RYR2: variants seen among roughly 807,000 people sequenced by gnomAD.
RYR2 encodes cardiac muscle ryanodine receptor-calcium release channel.
RYR2 carries 227 observed loss-of-function variants against 601.1 expected under a neutral mutation model. The observed-to-expected ratio is 0.38, with a 90% CI of 0.34 to 0.42. The LOEUF is 0.42. Ranked by LOEUF, RYR2 falls within the 10% of genes least tolerant of loss-of-function variation. The probability of loss-of-function intolerance (pLI) is 1.00; values close to 1 mark genes in which losing one functional copy is unlikely to be tolerated. For missense variants in RYR2, 4,646 were observed against 6,156.5 expected, an observed-to-expected ratio of 0.75 and a Z score of 8.21; for synonymous variants, 2,223 against 2,175.1, an observed-to-expected ratio of 1.02 and a Z score of -0.61.
At chr1:237,310,082 C>A (rs1030745627) in intron 2 of RYR2, among the ~76,000 whole-genome samples, 1 of 152,178 alleles carries the variant, frequency 6.6e-6, no homozygotes, top group African/African-American at 2.4e-5. Context: ...CAGGCTGAAA[C>A]GCTCCTAAAG....
intron 12 of RYR2, among the ~76,000 whole-genome samples, chr1:237,431,001 CT>C (rs1706753035): frequency 1.3e-5 from 2 of 152,156 alleles, no homozygotes; most frequent in African/African-American, 4.8e-5. Flanking sequence ...CCCAACTCAA[CT>C]CTTCTTTAAC....
Position 237,819,267 on chromosome 1 carries a change from T to C in RYR2, c.14590+75T>C. ...ATGTTGCTGAAGTTAATATTCAAGGTAGGGTAATGACGTCAAGTGTTTCCT... is the reference window on the plus strand; with the variant it reads ...ATGTTGCTGAAGTTAATATTCAAGGCAGGGTAATGACGTCAAGTGTTTCCT... On this transcript the variant is annotated intron_variant, in intron 101 of 104. Transcript: ENST00000366574. This position sits in a 1 kb window ranked among gnomAD's most constrained non-coding sequence, Gnocchi z 4.0. The C allele has an allele frequency of 7.1e-7, 1 of 1,404,830 alleles. No homozygotes were observed. The highest frequency in any genetic ancestry group is 9.9e-7 in the Non-Finnish European group (1 of 1,005,314). The allele number at this position is 1,404,830 out of a possible 1,614,324, so 87.0% of individuals were successfully genotyped here.
intron 14 of RYR2, among the ~76,000 whole-genome samples, chr1:237,448,466 G>C (rs1365047201): frequency 6.6e-6 from 1 of 152,112 alleles, no homozygotes; most frequent in Non-Finnish European, 1.5e-5. Flanking sequence ...AAAAGAATGT[G>C]CATTCTCCTC....
chr1:237,130,700 TAA>T (rs5781935), intron 1 of RYR2, among the ~76,000 whole-genome samples: 16 of 147,870 alleles, frequency 1.1e-4, no homozygotes, highest in South Asian at 8.5e-4. Flanking sequence ...TGTCTCAAAA[TAA>T]AAAAAAAAAA....
At chr1:237,527,540 T>C (rs1265105135) in intron 24 of RYR2, among the ~76,000 whole-genome samples, 1 of 152,184 alleles carries the variant, frequency 6.6e-6, no homozygotes, top group Non-Finnish European at 1.5e-5. Context: ...CAGTCAACCC[T>C]TCTCTGCCCC....
At chr1:237,593,727 G>C (rs1478915) in intron 33 of RYR2, 91 bp downstream of exon 33, 1 of 1,304,958 alleles carries the variant, frequency 7.7e-7, no homozygotes. Flanking sequence ...TGTGACCAAG[G>C]TATTTCTATT....
chr1:237,308,606 T>C (rs569368654), intron 2 of RYR2, among the ~76,000 whole-genome samples: 69 of 152,302 alleles, frequency 4.5e-4, no homozygotes, highest in Non-Finnish European at 8.7e-4. Flanking sequence ...GATGCTCAGA[T>C]GTGTTCGGAG....
intron 6 of RYR2, among the ~76,000 whole-genome samples, chr1:237,373,950 A>T (rs1198964351): frequency 6.6e-6 from 1 of 152,226 alleles, no homozygotes; most frequent in Non-Finnish European, 1.5e-5. Flanking sequence ...TTTGCAGATG[A>T]TCATGAATAT....
intron 6 of RYR2, among the ~76,000 whole-genome samples, chr1:237,371,094 T>A (rs985023547): frequency 1.7e-4 from 26 of 151,802 alleles, no homozygotes; most frequent in Admixed American, 9.2e-4. Flanking sequence ...AAAGTTTTAA[T>A]CTCTTCTGTC....
intron 1 of RYR2, among the ~76,000 whole-genome samples, chr1:237,242,201 TGTTTG>T (rs1407302788): frequency 0.031 from 245 of 8,012 alleles, no homozygotes; most frequent in Admixed American, 0.032. Context: ...CTGTTTTTTT[TGTTTG>T]TTTGTTTGTT....
intron 29 of RYR2, among the ~76,000 whole-genome samples, chr1:237,573,965 C>A (rs970698870): frequency 1.2e-4 from 19 of 152,080 alleles, no homozygotes; most frequent in Non-Finnish European, 1.2e-4. Context: ...GTAGAAGGAG[C>A]AAGGCTCTCA....
intron 16 of RYR2, among the ~76,000 whole-genome samples, chr1:237,466,713 C>T (rs1660122480): frequency 6.6e-6 from 1 of 151,730 alleles, no homozygotes; most frequent in South Asian, 2.1e-4. Flanking sequence ...CATTTTTCAC[C>T]CAATTGCTTA....
chr1:237,239,825 G>A (rs2149226875), intron 1 of RYR2, among the ~76,000 whole-genome samples: 1 of 152,256 alleles, frequency 6.6e-6, no homozygotes, highest in Non-Finnish European at 1.5e-5. Flanking sequence ...GCAGTTTCTG[G>A]ACTAGGTAGT....
chr1:237,590,690 T>C lies in RYR2; in HGVS notation c.3858T>C (p.Thr1286=). ...TIDSSPCLKV[T]QKSFGSQNSN... is the part of the protein sequence containing the mutation. ...ACAGTTCCCCATGTTTAAAGGTCAC[T>C]CAGAAGTCTTTTGGTTCTCAGAACA... is the stretch of plus-strand genomic sequence containing the variant. The change falls in exon 31 of 105, where the codon ACT becomes ACC. Residue 1286 remains threonine, a synonymous_variant. Coordinates refer to ENST00000366574, the MANE Select transcript of RYR2 (RefSeq NM_001035.3). 1 of 1,588,178 alleles carries C rather than the reference T, an allele frequency of 6.3e-7. No individual in the cohort carries two copies. The highest frequency in any genetic ancestry group is 8.6e-7 in the Non-Finnish European group (1 of 1,165,204).
At chr1:237,748,091 C>T (rs193207074) in intron 80 of RYR2, among the ~76,000 whole-genome samples, 11 of 152,068 alleles carry the variant, frequency 7.2e-5, no homozygotes, top group Admixed American at 2.6e-4. Context: ...CAAAAGCTTA[C>T]GTGCTAACAC....
intron 1 of RYR2, among the ~76,000 whole-genome samples, chr1:237,257,961 C>T (rs1297576012): frequency 1.3e-5 from 2 of 151,776 alleles, no homozygotes; most frequent in East Asian, 1.9e-4. Context: ...GTCAAGAGTT[C>T]GAGACCAGCC....
At chr1:237,419,965 G>T (rs937431290) in intron 11 of RYR2, among the ~76,000 whole-genome samples, 1 of 152,100 alleles carries the variant, frequency 6.6e-6, no homozygotes, top group African/African-American at 2.4e-5. Context: ...GTTTGTGATA[G>T]AACTATATTG....
At position 237,435,077 on chromosome 1, in the gene RYR2, T is replaced by G. The variant is rs888906093; in HGVS notation, c.1006-6242T>G. 2.0e-5 allele frequency among the ~76,000 whole-genome samples: 3 copies of G among 152,320 alleles called. No homozygotes were observed. The South Asian group carries it at 6.2e-4, about 32-fold the overall frequency. On this transcript the variant is annotated intron_variant, in intron 12 of 104. Transcript: ENST00000366574. ...CCAGGCATGTGCTACGATGCCAGAC[T>G]AAAACATTTTAAAGACATTTTTACT...
At chr1:237,542,607 G>T (rs149332887) in intron 25 of RYR2, among the ~76,000 whole-genome samples, 1 of 152,002 alleles carries the variant, frequency 6.6e-6, no homozygotes, top group South Asian at 2.1e-4. Flanking sequence ...TTTGATATTG[G>T]GTTCACATTG....
Sources: gnomAD v4.1 joint callset for allele counts (sites outside exome capture counted in the v4.1 genomes callset) on GRCh38, gnomAD v4.1.1 for gene constraint, Gnocchi (gnomAD v3.1) non-coding constraint, MANE v1.5 for transcripts, NCBI Gene and HGNC (gene_info 2026-07-23, HGNC 2026-07-21) for gene names.